The following CSNK1A1 variants were observed in gnomAD, a reference collection of about 807,000 sequenced individuals.
CSNK1A1 encodes the protein casein kinase 1 alpha 1.
Under a neutral mutation model 46.1 loss-of-function variants are expected in CSNK1A1, and 7 were observed. The observed-to-expected ratio is 0.15, with a 90% CI of 0.09 to 0.29. The LOEUF is 0.29. CSNK1A1 is among the 10% of genes least tolerant of loss of function. CSNK1A1 has a pLI of 1.00. For missense variants in CSNK1A1, 96 were observed against 417.1 expected (o/e 0.23, Z 6.71); for synonymous variants, 137 against 141.5 (o/e 0.97, Z 0.23).
At chr5:149,537,964 A>C (rs1246017400) in intron 2 of CSNK1A1, among the ~76,000 whole-genome samples, 1 of 151,354 alleles carries the variant, frequency 6.6e-6, no homozygotes, top group Non-Finnish European at 1.5e-5. Context: ...AGATGCTCAA[A>C]AAGAATGCAA....
chr5:149,529,707 T>C (rs1561765280), intron 2 of CSNK1A1: 2 of 456,290 alleles, frequency 4.4e-6, no homozygotes, highest in South Asian at 1.5e-5. Context: ...GCAAGGCTTA[T>C]GAGCTTTACA....
chr5:149,504,169 G>C (rs1760957701), intron 9 of CSNK1A1: 1 of 985,376 alleles, frequency 1.0e-6, no homozygotes, highest in Non-Finnish European at 1.2e-6. Flanking sequence ...TTGCTATCCT[G>C]AGTTTACATG....
intron 9 of CSNK1A1, chr5:149,501,348 C>A (rs1005737016): frequency 4.1e-6 from 4 of 985,360 alleles, no homozygotes; most frequent in Non-Finnish European, 4.8e-6. Context: ...GTATTCAGAG[C>A]AGTGTGTTCA....
At chr5:149,510,223 T>C (rs193035136) in intron 6 of CSNK1A1, among the ~76,000 whole-genome samples, 1 of 152,262 alleles carries the variant, frequency 6.6e-6, no homozygotes, top group Admixed American at 6.5e-5. Flanking sequence ...TAAGTAAAAA[T>C]GGCTGGGGCC....
At chr5:149,545,632 CT>C in intron 2 of CSNK1A1, 2 of 889,910 alleles carry the variant, frequency 2.2e-6, no homozygotes, top group Non-Finnish European at 3.6e-6. Context: ...GAGGGCCCTG[CT>C]AGCCTCAGCA....
chr5:149,505,932 C>CT lies in CSNK1A1; in HGVS notation c.858-338dup, dbSNP rs112393960. ...GGTTAAAAGATTACCTGAATTCTCTCTTTTTTTTTTTGAGACCATGTTTTG... is the reference window on the plus strand; with the variant it reads ...GGTTAAAAGATTACCTGAATTCTCTCTTTTTTTTTTTTGAGACCATGTTTTG... On this transcript the variant is annotated intron_variant, in intron 8 of 9. Coordinates refer to ENST00000377843, the MANE Select transcript of CSNK1A1 (RefSeq NM_001892.6). Among the ~76,000 whole-genome samples, 444 of 146,938 alleles carry CT rather than the reference C, an allele frequency of 3.0e-3. 3 individuals carry two copies. Among genetic ancestry groups the CT allele is most frequent in the East Asian group, 0.01 (53 of 5,058 alleles).
intron 9 of CSNK1A1, chr5:149,502,604 G>C (rs1760905421): frequency 2.4e-6 from 2 of 850,126 alleles, no homozygotes; most frequent in Non-Finnish European, 2.8e-6. Context: ...GAACTCCTAG[G>C]GTCAAGCAAT....
At chr5:149,497,720 C>T (rs1037951994) in intron 9 of CSNK1A1, 5 of 985,422 alleles carry the variant, frequency 5.1e-6, no homozygotes, top group Non-Finnish European at 4.8e-6. Context: ...CCTTTGTCTA[C>T]CTCCTTACAA....
chr5:149,531,208 C>A (rs891242925), intron 2 of CSNK1A1, among the ~76,000 whole-genome samples: 1 of 151,966 alleles, frequency 6.6e-6, no homozygotes, highest in Non-Finnish European at 1.5e-5. Flanking sequence ...TCAATTATAG[C>A]GAAATTGAAC....
At chr5:149,546,135 C>T (rs999110474) in intron 2 of CSNK1A1, among the ~76,000 whole-genome samples, 9 of 151,364 alleles carry the variant, frequency 5.9e-5, no homozygotes, top group African/African-American at 2.2e-4. Flanking sequence ...CTCCTGGGCT[C>T]AGGCAATCTG....
chr5:149,543,612 G>A (rs1268872211), intron 2 of CSNK1A1, among the ~76,000 whole-genome samples: 1 of 152,044 alleles, frequency 6.6e-6, no homozygotes, highest in East Asian at 1.9e-4. Context: ...TATATGCTCA[G>A]TGCCAAAGAT....
chr5:149,528,327 CAGCT>C (rs1276352550), intron 2 of CSNK1A1, among the ~76,000 whole-genome samples: 1 of 152,182 alleles, frequency 6.6e-6, no homozygotes, highest in African/African-American at 2.4e-5. Flanking sequence ...AGTTCTAAAA[CAGCT>C]AGGACTTTCT....
At position 149,525,603 on chromosome 5, in the gene CSNK1A1, C is replaced by T. The variant is rs1357537644; in HGVS notation, c.231-432G>A. Among the ~76,000 whole-genome samples, 4 of 152,166 alleles carry T rather than the reference C, an allele frequency of 2.6e-5. No homozygotes were observed. Among genetic ancestry groups the T allele is most frequent in the African/African-American group, 9.7e-5 (4 of 41,434 alleles). Reference sequence around the variant, plus strand: ...TTTATCTGAACTTCGATTCCAGTTCCTACCAAATTGCATTTAATCAATAAT... The same window carrying T: ...TTTATCTGAACTTCGATTCCAGTTCTTACCAAATTGCATTTAATCAATAAT... On this transcript the variant is annotated intron_variant, in intron 2 of 9. Transcript: ENST00000377843. The surrounding 1 kb of genome is among the most constrained non-coding windows in gnomAD (Gnocchi z 4.2).
chr5:149,520,402 A>G lies in CSNK1A1; in HGVS notation c.358-14T>C. 2 of 1,445,772 alleles carry G rather than the reference A, an allele frequency of 1.4e-6. No individual in the cohort carries two copies. The highest frequency in any genetic ancestry group is 1.9e-6 in the Non-Finnish European group (2 of 1,032,072). 89.6% of individuals were successfully genotyped at this position (1,445,772 alleles called of 1,614,324 possible). A position where few individuals can be genotyped will look rare whatever the true frequency, so the allele number is the denominator to read the frequency against. On this transcript the variant is annotated splice_polypyrimidine_tract_variant and intron_variant, in intron 3 of 9. Coordinates refer to ENST00000377843, the MANE Select transcript of CSNK1A1 (RefSeq NM_001892.6). ...TCTACTGATCATCTGGAAAAAAAAG[A>G]AGGGAGAGATAATTGAGTTAAGTAG...
chr5:149,498,041 C>A, intron 9 of CSNK1A1: 1 of 819,716 alleles, frequency 1.2e-6, no homozygotes, highest in Non-Finnish European at 1.5e-6. Context: ...ACTGTGTTGG[C>A]CAGGCTGGTC....
intron 2 of CSNK1A1, among the ~76,000 whole-genome samples, chr5:149,538,528 A>G (rs1447769550): frequency 6.6e-6 from 1 of 152,200 alleles, no homozygotes; most frequent in Non-Finnish European, 1.5e-5. Flanking sequence ...AAATAATATT[A>G]TGGAGGTTCA....
rs1760670542 is a variant in CSNK1A1, at chr5:149,496,891, A to G, written c.1007-31T>C. The G allele has an allele frequency of 2.6e-6, 4 of 1,534,968 alleles. No individual in the cohort carries two copies. The African/African-American group carries it at 5.5e-5, about 21-fold the overall frequency. On this transcript the variant is annotated intron_variant, in intron 9 of 9. Coordinates refer to ENST00000377843, the MANE Select transcript of CSNK1A1 (RefSeq NM_001892.6). ...AAAAAATCAAAACAAAAAAAAAGTT[A>G]AAATTCCAAGTCAAAAATTTTAAAT...
At chr5:149,504,367 G>A (rs1760963085) in intron 9 of CSNK1A1, 2 of 975,392 alleles carry the variant, frequency 2.1e-6, no homozygotes, top group Non-Finnish European at 2.4e-6. Flanking sequence ...TTATAAAATA[G>A]TTTAAATACA....
rs1237890627 is a variant in CSNK1A1 at position 149,550,605 on chromosome 5, C to T, written c.123+237G>A. ...AAAAAAAAAAAGCTCGACTAAGGGA[C>T]ATTTATGGGACGTGTTTAACAAGGT... On this transcript the variant is annotated intron_variant, in intron 1 of 9. Transcript: ENST00000377843. This position sits in a 1 kb window ranked among gnomAD's most constrained non-coding sequence, Gnocchi z 4.3. 6.6e-6 allele frequency among the ~76,000 whole-genome samples: 1 copy of T among 150,930 alleles called. No homozygotes were observed. The highest frequency in any genetic ancestry group is 1.5e-5 in the Non-Finnish European group (1 of 67,852).
Sources: gnomAD v4.1 joint callset for allele counts (sites outside exome capture counted in the v4.1 genomes callset) on GRCh38, gnomAD v4.1.1 for gene constraint, Gnocchi (gnomAD v3.1) non-coding constraint, MANE v1.5 for transcripts, NCBI Gene and HGNC (gene_info 2026-07-23, HGNC 2026-07-21) for gene names.